Variants in C16orf95 observed in about 807,000 individuals in gnomAD.
The protein encoded by C16orf95 is uncharacterized protein C16orf95.
C16orf95 carries 41 observed loss-of-function variants against 32.1 expected under a neutral mutation model. That is an observed-to-expected ratio of 1.28 (90% CI 1.00 to 1.66). The LOEUF (loss-of-function observed/expected upper bound fraction) is 1.66, where lower values mean the gene tolerates loss of function less well. Among genes scored for constraint, C16orf95 ranks in the 40% most tolerant of loss-of-function variants. C16orf95 has a pLI of 0.00. For missense variants in C16orf95, 399 were observed against 325.9 expected (o/e 1.22, Z -1.73); for synonymous variants, 147 against 128.9 (o/e 1.14, Z -0.95).
chr16:87,305,663 A>C lies in C16orf95; in HGVS notation c.701+56T>G. 1 of 1,411,220 alleles carries C rather than the reference A, an allele frequency of 7.1e-7. No homozygotes were observed. Among genetic ancestry groups the C allele is most frequent in the Non-Finnish European group, 9.3e-7 (1 of 1,075,404 alleles). 87.4% of individuals were successfully genotyped at this position (1,411,220 alleles called of 1,614,324 possible). A position where few individuals can be genotyped will look rare whatever the true frequency, so the allele number is the denominator to read the frequency against. On this transcript the variant is annotated intron_variant, in intron 6 of 6. Transcript: ENST00000567970. This position sits in a 1 kb window ranked among gnomAD's most constrained non-coding sequence, Gnocchi z 4.2. ...CCCTGATGGCCACCAAGCCTCCCTC[A>C]GGTGGACGTCACCATGCCAGGGCCA...
At chr16:87,307,132 T>C (rs1036208104) in intron 5 of C16orf95, among the ~76,000 whole-genome samples, 3 of 152,162 alleles carry the variant, frequency 2.0e-5, no homozygotes, top group African/African-American at 7.2e-5. Flanking sequence ...TACTCATTCA[T>C]AGATTCCATC....
chr16:87,315,825 T>C lies in C16orf95; in HGVS notation c.153-2A>G, dbSNP rs1012416533. 1.3e-6 allele frequency: 2 copies of C among 1,528,998 alleles called. No individual in the cohort carries two copies. The highest frequency in any genetic ancestry group is 2.5e-5 in the East Asian group (1 of 40,562). The allele number at this position is 1,528,998 out of a possible 1,614,324, so 94.7% of individuals were successfully genotyped here. On this transcript the variant is annotated splice_acceptor_variant, in intron 1 of 6. Transcript: ENST00000567970. LOFTEE classifies it high-confidence loss of function. ...TTGTAGGTTTGAAATGTGCTATTCCTAGAAGAGAAGAACAGAAAAGCTTAG... is the reference window on the plus strand; with the variant it reads ...TTGTAGGTTTGAAATGTGCTATTCCCAGAAGAGAAGAACAGAAAAGCTTAG...
At chr16:87,306,037 T>C (rs759754168) in intron 5 of C16orf95, 132 bp from the exon 6 acceptor site, 1 of 612,850 alleles carries the variant, frequency 1.6e-6, no homozygotes, top group Non-Finnish European at 2.5e-6. Flanking sequence ...AGCCCCGGGG[T>C]GGGGACACTG....
At chr16:87,306,227 C>CA (rs1302767427) in intron 5 of C16orf95, 3 of 204,308 alleles carry the variant, frequency 1.5e-5, no homozygotes, top group African/African-American at 6.9e-5. Context: ...TGGTGAAGAT[C>CA]AGAGGAACCA....
chr16:87,317,373 G>C lies in C16orf95; in HGVS notation c.-131C>G, dbSNP rs1287876666. On this transcript the variant is annotated 5_prime_UTR_variant, in exon 1 of 7. Coordinates refer to ENST00000567970, the MANE Select transcript of C16orf95 (RefSeq NM_001195124.3). ...CTCAACCCCAGCCCCAACCTCAACC[G>C]CTCAGAGGAGCCCAACAACGCCCGC... 1.4e-6 allele frequency: 2 copies of C among 1,398,100 alleles called. No individual in the cohort carries two copies. Among genetic ancestry groups the C allele is most frequent in the Non-Finnish European group, 1.9e-6 (2 of 1,080,198 alleles). 86.6% of individuals were successfully genotyped at this position (1,398,100 alleles called of 1,614,324 possible).
At chr16:87,316,041 G>A (rs1351763968) in intron 1 of C16orf95, among the ~76,000 whole-genome samples, 1 of 152,142 alleles carries the variant, frequency 6.6e-6, no homozygotes, top group Non-Finnish European at 1.5e-5. Context: ...GCTCCTGGGG[G>A]CTGGCTGTCA....
intron 5 of C16orf95, among the ~76,000 whole-genome samples, chr16:87,307,213 C>T (rs998967647): frequency 2.6e-5 from 4 of 152,140 alleles, no homozygotes; most frequent in Non-Finnish European, 4.4e-5. Context: ...AACACAGACA[C>T]GGCAGCCCTC....
chr16:87,303,215 G>T, intron 6 of C16orf95, 140 bp from the exon 7 acceptor site: 3 of 821,940 alleles, frequency 3.6e-6, no homozygotes, highest in Non-Finnish European at 6.0e-6. Flanking sequence ...ATCCCAGGCA[G>T]GGAAGGGGTG....
Position 87,317,226 on chromosome 16 carries a change from G to A in C16orf95, c.17C>T (p.Ser6Phe), listed in dbSNP as rs1157628379. 6.5e-7 allele frequency: 1 copy of A among 1,528,314 alleles called. No individual in the cohort carries two copies. Among genetic ancestry groups the A allele is most frequent in the East Asian group, 2.5e-5 (1 of 40,308 alleles). 94.7% of individuals were successfully genotyped at this position (1,528,314 alleles called of 1,614,324 possible). ...GTGACAACGCCGCGGGGACGGTGGG[G>A]ACCGGCTCGCACGCATATGGCTTCT... MRASR[S>F]PPSPRRCHHH... The change falls in exon 1 of 7, where the codon TCC becomes TTC. Residue 6 changes from serine (S) to phenylalanine (F), a missense_variant. By Grantham distance (155) the Ser-to-Phe change is radical. Transcript: ENST00000567970.
intron 4 of C16orf95, among the ~76,000 whole-genome samples, chr16:87,310,566 C>G (rs990984364): frequency 3.3e-5 from 5 of 152,192 alleles, no homozygotes; most frequent in African/African-American, 1.2e-4. Context: ...GTCTACCACC[C>G]AGGACACAGG....
At chr16:87,311,086 C>T in intron 4 of C16orf95, 64 bp downstream of exon 4, 3 of 1,375,490 alleles carry the variant, frequency 2.2e-6, no homozygotes, top group East Asian at 2.6e-5. Flanking sequence ...TTCCTCCCAT[C>T]TCCCCTTCCC....
At chr16:87,316,542 G>A (rs942253284) in intron 1 of C16orf95, among the ~76,000 whole-genome samples, 4 of 152,060 alleles carry the variant, frequency 2.6e-5, no homozygotes, top group African/African-American at 7.2e-5. Context: ...ATAGGTTCAC[G>A]CATCAACTCT....
At position 87,305,144 on chromosome 16, in the gene C16orf95, G is replaced by A. The variant is rs937976348; in HGVS notation, c.701+575C>T. Among the ~76,000 whole-genome samples, 1 of 152,220 alleles carries A rather than the reference G, an allele frequency of 6.6e-6. No homozygotes were observed. The highest frequency in any genetic ancestry group is 1.5e-5 in the Non-Finnish European group (1 of 68,032). ...CCGAAGCCCAGCTGTGGCCCGGGGAGTGGCCCCGGAGGCTTCCTGGGGGAG... is the reference window on the plus strand; with the variant it reads ...CCGAAGCCCAGCTGTGGCCCGGGGAATGGCCCCGGAGGCTTCCTGGGGGAG... On this transcript the variant is annotated intron_variant, in intron 6 of 6. Coordinates refer to ENST00000567970, the MANE Select transcript of C16orf95 (RefSeq NM_001195124.3). This position sits in a 1 kb window ranked among gnomAD's most constrained non-coding sequence, Gnocchi z 4.2.
chr16:87,305,996 C>T lies in C16orf95; in HGVS notation c.515-91G>A. 1.0e-5 allele frequency: 11 copies of T among 1,049,308 alleles called. No homozygotes were observed. Among genetic ancestry groups the T allele is most frequent in the South Asian group, 4.7e-5 (2 of 42,954 alleles). 65.0% of individuals were successfully genotyped at this position (1,049,308 alleles called of 1,614,324 possible). A position where few individuals can be genotyped will look rare whatever the true frequency, so the allele number is the denominator to read the frequency against. Reference sequence around the variant, plus strand: ...GCTGCAACACCAGCCCCAGAGCCTCCGGGAAATGGGGACTTCCAGGACCCA... The same window carrying T: ...GCTGCAACACCAGCCCCAGAGCCTCTGGGAAATGGGGACTTCCAGGACCCA... On this transcript the variant is annotated intron_variant, in intron 5 of 6. Coordinates refer to ENST00000567970, the MANE Select transcript of C16orf95 (RefSeq NM_001195124.3). The surrounding 1 kb of genome is among the most constrained non-coding windows in gnomAD (Gnocchi z 4.2).
In C16orf95 at chr16:87,302,886, C is replaced by G. The variant is rs1910826614; in HGVS notation, c.*171G>C. 1 of 688,982 alleles carries G rather than the reference C, an allele frequency of 1.5e-6. No individual in the cohort carries two copies. Among genetic ancestry groups the G allele is most frequent in the South Asian group, 1.7e-5 (1 of 58,112 alleles). 42.7% of individuals were successfully genotyped at this position (688,982 alleles called of 1,614,324 possible). A position where few individuals can be genotyped will look rare whatever the true frequency, so the allele number is the denominator to read the frequency against. ...CTCACCCACATTCACATGAACTTTG[C>G]TACAACCAAGAATCACCTGATGAGA... On this transcript the variant is annotated 3_prime_UTR_variant, in exon 7 of 7. Transcript: ENST00000567970.
intron 6 of C16orf95, 63 bp from the exon 7 acceptor site, chr16:87,303,138 C>T (rs1399706114): frequency 6.6e-6 from 10 of 1,515,590 alleles, no homozygotes; most frequent in Non-Finnish European, 7.1e-6. Context: ...CTGCCCTCAG[C>T]GCGTGCCCTT....
intron 5 of C16orf95, among the ~76,000 whole-genome samples, chr16:87,307,694 C>T (rs1255324817): frequency 6.6e-6 from 1 of 152,048 alleles, no homozygotes; most frequent in Non-Finnish European, 1.5e-5. Context: ...GGAGGCAGAG[C>T]TTGCAGTGAG....
At chr16:87,312,021 A>G (rs369455095) in intron 3 of C16orf95, among the ~76,000 whole-genome samples, 23 of 152,288 alleles carry the variant, frequency 1.5e-4, no homozygotes, top group African/African-American at 5.3e-4. Context: ...TACCATTTGC[A>G]TTTTTCAAAA....
intron 1 of C16orf95, among the ~76,000 whole-genome samples, chr16:87,316,296 C>A (rs1458365396): frequency 6.6e-6 from 1 of 152,142 alleles, no homozygotes. Flanking sequence ...TGCTTTGTCT[C>A]TGGGATGACA....
Sources: allele counts gnomAD v4.1 joint callset (sites outside exome capture counted in the v4.1 genomes callset), GRCh38; gene constraint gnomAD v4.1.1; non-coding constraint Gnocchi (gnomAD v3.1); transcripts MANE v1.5; gene names NCBI Gene and HGNC (gene_info 2026-07-23, HGNC 2026-07-21).